The following RARA variants were observed in gnomAD, a reference collection of about 807,000 sequenced individuals.
RARA encodes PML-DDX5-RARA fusion.
In RARA, 5 loss-of-function variants were observed where a neutral mutation model predicts 42.8. That is an observed-to-expected ratio of 0.12 (90% confidence interval 0.06 to 0.25). The LOEUF (loss-of-function observed/expected upper bound fraction) is 0.25. Ranked by LOEUF, RARA falls within the 10% of genes least tolerant of loss-of-function variation. The pLI is 1.00. For missense variants in RARA, 402 were observed against 628.7 expected (o/e 0.64, Z 3.86); for synonymous variants, 256 against 259.5 (o/e 0.99, Z 0.13).
chr17:40,324,046 C>A (rs1003722302), intron 1 of RARA, among the ~76,000 whole-genome samples: 3 of 152,068 alleles, frequency 2.0e-5, no homozygotes, highest in Non-Finnish European at 4.4e-5. Context: ...GCTGTCCCCC[C>A]ATTGTGAGAG....
intron 1 of RARA, among the ~76,000 whole-genome samples, chr17:40,328,057 G>A (rs1390576520): frequency 6.6e-6 from 1 of 152,164 alleles, no homozygotes; most frequent in Non-Finnish European, 1.5e-5. Context: ...TTATTAGCAA[G>A]GTCCAGATTT....
chr17:40,331,480 C>A, intron 2 of RARA, 84 bp downstream of exon 2: 1 of 1,451,928 alleles, frequency 6.9e-7, no homozygotes, highest in Non-Finnish European at 9.2e-7. Context: ...CACGTCTGTT[C>A]TGCTGTGAGT....
rs780953729 is a variant in RARA at position 40,342,672 on chromosome 17, C to T, written c.179-5644C>T. The T allele has an allele frequency of 5.0e-6, 8 of 1,593,940 alleles. No individual in the cohort carries two copies. The African/African-American group carries it at 8.1e-5, about 16-fold the overall frequency. ...GTGACGGGGGCGGCGCGCAGGACTT[C>T]CCAGCTCGGACCTCTTGCCTTCGAG... is the stretch of plus-strand genomic sequence containing the variant. On this transcript the variant is annotated intron_variant, in intron 2 of 8. Transcript: ENST00000254066.
chr17:40,327,848 G>A (rs576342413), intron 1 of RARA, among the ~76,000 whole-genome samples: 22 of 152,314 alleles, frequency 1.4e-4, no homozygotes, highest in African/African-American at 5.1e-4. Context: ...TCCAGTTCCC[G>A]TTGTGTGGGG....
chr17:40,330,184 A>G (rs1381539316), intron 1 of RARA, among the ~76,000 whole-genome samples: 1 of 152,058 alleles, frequency 6.6e-6, no homozygotes, highest in Admixed American at 6.5e-5. Flanking sequence ...TCTCTCCTTC[A>G]TTGCCTGGGG....
intron 1 of RARA, among the ~76,000 whole-genome samples, chr17:40,321,137 G>A (rs1445866401): frequency 6.6e-6 from 1 of 151,920 alleles, no homozygotes; most frequent in Non-Finnish European, 1.5e-5. Flanking sequence ...CTCCGTGTGT[G>A]TCCAGGGAGT....
intron 1 of RARA, among the ~76,000 whole-genome samples, chr17:40,325,233 A>G (rs745643371): frequency 3.3e-5 from 5 of 151,688 alleles, no homozygotes; most frequent in Non-Finnish European, 5.9e-5. Context: ...CATGTGTGAC[A>G]GGGTGAGACT....
At chr17:40,343,161 C>T (rs993484626) in intron 2 of RARA, 1 of 349,564 alleles carries the variant, frequency 2.9e-6, no homozygotes. Context: ...AGCCCAAGCC[C>T]CTTGCCCCCA....
At chr17:40,353,607 C>T (rs1205016977) in intron 6 of RARA, among the ~76,000 whole-genome samples, 3 of 152,174 alleles carry the variant, frequency 2.0e-5, no homozygotes, top group Admixed American at 1.3e-4. Flanking sequence ...CAGGCACCCG[C>T]CACCACACCC....
intron 1 of RARA, among the ~76,000 whole-genome samples, chr17:40,325,398 A>G (rs1238138637): frequency 6.6e-6 from 1 of 151,976 alleles, no homozygotes; most frequent in Non-Finnish European, 1.5e-5. Context: ...GCCAGGGAGG[A>G]GAGGGGTGAG....
chr17:40,309,657 G>A (rs1022970853), intron 1 of RARA, among the ~76,000 whole-genome samples: 4 of 152,280 alleles, frequency 2.6e-5, no homozygotes, highest in African/African-American at 9.6e-5. Context: ...ACAGAGAGAG[G>A]AGAGAGCCAG....
intron 1 of RARA, among the ~76,000 whole-genome samples, chr17:40,314,180 A>AGGGGGGGGGGGGGGGGGGGGGG (rs2033147498): frequency 2.0e-4 from 1 of 5,022 alleles, no homozygotes; most frequent in African/African-American, 7.2e-4. Flanking sequence ...TGGCGGGTGG[A>AGGGGGGGGGGGGGGGGGGGGGG]GGGGTGGGGT....
chr17:40,342,589 G>T, intron 2 of RARA: 1 of 1,418,664 alleles, frequency 7.0e-7, no homozygotes, highest in Non-Finnish European at 9.2e-7. Context: ...TCACCAGTCG[G>T]GGCGAGGGGA....
chr17:40,331,537 C>A (rs1007302274), intron 2 of RARA, 141 bp downstream of exon 2: 1 of 1,064,632 alleles, frequency 9.4e-7, no homozygotes, highest in Non-Finnish European at 1.3e-6. Context: ...GGGTGACCAT[C>A]ATTTGAGGTC....
intron 2 of RARA, among the ~76,000 whole-genome samples, chr17:40,346,690 G>C (rs2034278495): frequency 7.0e-6 from 1 of 142,726 alleles, no homozygotes; most frequent in African/African-American, 2.5e-5. Context: ...TGATTTGCTT[G>C]TCTGGCCTGG....
At position 40,351,838 on chromosome 17, in the gene RARA, C is replaced by G; in HGVS notation, c.470-72C>G. Reference sequence around the variant, plus strand: ...GACCTCCTCAGCAGCTGGCAGCTCTCTGTCAGGCTGGGGGTGGACGAGGCC... The same window carrying G: ...GACCTCCTCAGCAGCTGGCAGCTCTGTGTCAGGCTGGGGGTGGACGAGGCC... On this transcript the variant is annotated intron_variant, in intron 4 of 8. Coordinates refer to ENST00000254066, the MANE Select transcript of RARA (RefSeq NM_000964.4). This position sits in a 1 kb window ranked among gnomAD's most constrained non-coding sequence, Gnocchi z 4.1. 1 of 1,554,468 alleles carries G rather than the reference C, an allele frequency of 6.4e-7. No individual in the cohort carries two copies. The highest frequency in any genetic ancestry group is 8.6e-7 in the Non-Finnish European group (1 of 1,157,342).
chr17:40,329,514 T>G (rs2033634685), intron 1 of RARA, among the ~76,000 whole-genome samples: 1 of 152,210 alleles, frequency 6.6e-6, no homozygotes, highest in South Asian at 2.1e-4. Context: ...GAGATGGGGT[T>G]TCGGCATGTT....
intron 3 of RARA, chr17:40,348,843 C>T (rs2034353982): frequency 5.7e-6 from 1 of 176,332 alleles, no homozygotes; most frequent in African/African-American, 2.4e-5. Flanking sequence ...CCATGGCAGC[C>T]TGGCAGGAGG....
Position 40,325,724 on chromosome 17 carries a change from G to C in RARA, c.-362-5133G>C, listed in dbSNP as rs957168696. Reference sequence around the variant, plus strand: ...ATATGATTCACTAACTGTCTAGAATGCTTAGGAAACCCCCAGTCTCCCCTT... The same window carrying C: ...ATATGATTCACTAACTGTCTAGAATCCTTAGGAAACCCCCAGTCTCCCCTT... On this transcript the variant is annotated intron_variant, in intron 1 of 8. Transcript: ENST00000254066. 2.6e-5 allele frequency among the ~76,000 whole-genome samples: 4 copies of C among 152,160 alleles called. No homozygotes were observed. In the East Asian group the frequency reaches 7.7e-4, roughly 29 times the overall value.
Sources: gnomAD v4.1 joint callset for allele counts (sites outside exome capture counted in the v4.1 genomes callset) on GRCh38, gnomAD v4.1.1 for gene constraint, Gnocchi (gnomAD v3.1) non-coding constraint, MANE v1.5 for transcripts, NCBI Gene and HGNC (gene_info 2026-07-23, HGNC 2026-07-21) for gene names.